Variants in RGL1 observed in about 807,000 individuals in gnomAD.
RGL1 encodes the protein ral guanine nucleotide dissociation stimulator-like 1.
A neutral mutation model predicts 95.2 loss-of-function variants in RGL1; 24 were observed. The ratio of observed to expected loss-of-function variants is 0.25; its 90% confidence interval spans 0.18 to 0.35. The LOEUF (loss-of-function observed/expected upper bound fraction) is 0.35. RGL1 is among the 10% of genes least tolerant of loss of function. The probability of loss-of-function intolerance (pLI) is 1.00; values close to 1 mark genes in which losing one functional copy is unlikely to be tolerated. For missense variants in RGL1, 715 were observed against 936.3 expected, an observed-to-expected ratio of 0.76 and a Z score of 3.08; for synonymous variants, 329 against 344.9, an observed-to-expected ratio of 0.95 and a Z score of 0.51.
At chr1:183,711,469 G>C (rs1211120947) in intron 1 of RGL1, among the ~76,000 whole-genome samples, 3 of 152,152 alleles carry the variant, frequency 2.0e-5, no homozygotes, top group South Asian at 4.1e-4. Flanking sequence ...GGAGGTGTTG[G>C]GGGGTGAGGT....
At chr1:183,862,548 A>G (rs1372280710) in intron 3 of RGL1, among the ~76,000 whole-genome samples, 2 of 152,220 alleles carry the variant, frequency 1.3e-5, no homozygotes, top group African/African-American at 2.4e-5. Flanking sequence ...CAACTTTAAC[A>G]TCTTAAAACT....
chr1:183,878,826 A>G (rs1446128220), intron 4 of RGL1, among the ~76,000 whole-genome samples: 1 of 152,200 alleles, frequency 6.6e-6, no homozygotes, highest in African/African-American at 2.4e-5. Flanking sequence ...TGACTTGAGT[A>G]TATGATATGA....
At chr1:183,788,421 T>C (rs768779411) in intron 2 of RGL1, among the ~76,000 whole-genome samples, 17 of 152,316 alleles carry the variant, frequency 1.1e-4, no homozygotes, top group East Asian at 1.9e-4. Flanking sequence ...TCCACTTCCA[T>C]TGGGGAGAGC....
chr1:183,731,527 C>T (rs1656629246), intron 1 of RGL1, among the ~76,000 whole-genome samples: 1 of 152,162 alleles, frequency 6.6e-6, no homozygotes, highest in South Asian at 2.1e-4. Context: ...CTTGGCCTTT[C>T]CCCTGCTACC....
At chr1:183,655,182 A>T (rs1288643916) in intron 1 of RGL1, among the ~76,000 whole-genome samples, 1 of 152,250 alleles carries the variant, frequency 6.6e-6, no homozygotes, top group East Asian at 1.9e-4. Flanking sequence ...TCCTGCAATG[A>T]TCTAAATTTT....
At chr1:183,794,110 T>TA (rs1030382628) in intron 2 of RGL1, among the ~76,000 whole-genome samples, 5 of 149,554 alleles carry the variant, frequency 3.3e-5, no homozygotes, top group Admixed American at 1.3e-4. Context: ...TATTCAGCCA[T>TA]AAAAAAATGA....
intron 2 of RGL1, among the ~76,000 whole-genome samples, chr1:183,752,811 T>G (rs925769192): frequency 1.3e-5 from 2 of 151,964 alleles, no homozygotes; most frequent in African/African-American, 4.8e-5. Context: ...CATTGGAAAT[T>G]TTCCATTGTC....
intron 2 of RGL1, among the ~76,000 whole-genome samples, chr1:183,816,086 A>G (rs1444863154): frequency 1.3e-5 from 2 of 152,134 alleles, no homozygotes; most frequent in Non-Finnish European, 2.9e-5. Flanking sequence ...AATAACATCT[A>G]TTGTATTTTA....
At chr1:183,711,368 C>A (rs1655254300) in intron 1 of RGL1, among the ~76,000 whole-genome samples, 1 of 152,158 alleles carries the variant, frequency 6.6e-6, no homozygotes, top group Non-Finnish European at 1.5e-5. Context: ...ACATTCAGCC[C>A]ATGGAGCCTG....
chr1:183,878,144 T>TTTTC (rs56816532), intron 4 of RGL1, among the ~76,000 whole-genome samples: 3 of 148,856 alleles, frequency 2.0e-5, no homozygotes, highest in Non-Finnish European at 3.0e-5. Context: ...CCCATGTTGA[T>TTTTC]TTTCTTTCTA....
intron 1 of RGL1, among the ~76,000 whole-genome samples, chr1:183,667,814 ACTT>A (rs1398464765): frequency 1.3e-5 from 2 of 152,068 alleles, no homozygotes. Flanking sequence ...CATCAGTTCT[ACTT>A]CTTTTTAAAC....
chr1:183,870,547 C>T (rs116698320), intron 4 of RGL1, among the ~76,000 whole-genome samples: 1,597 of 152,186 alleles, frequency 0.01, 27 homozygotes, highest in African/African-American at 0.036. Context: ...CTTGCTGACG[C>T]GTGCTGCTGG....
At chr1:183,652,824 G>A (rs1650863462) in intron 1 of RGL1, among the ~76,000 whole-genome samples, 1 of 152,070 alleles carries the variant, frequency 6.6e-6, no homozygotes, top group Non-Finnish European at 1.5e-5. Flanking sequence ...AGCCCAGCGT[G>A]CTGGAGGGCT....
upstream of RGL1, among the ~76,000 whole-genome samples, chr1:183,802,144 G>T (rs1159059229): frequency 1.3e-5 from 2 of 152,150 alleles, no homozygotes; most frequent in Non-Finnish European, 2.9e-5. Flanking sequence ...TTTTACATGT[G>T]ATCTAGTTTT....
At chr1:183,904,360 T>C (rs911230865) in intron 12 of RGL1, among the ~76,000 whole-genome samples, 1 of 152,178 alleles carries the variant, frequency 6.6e-6, no homozygotes, top group Non-Finnish European at 1.5e-5. Flanking sequence ...CCAAAACTTA[T>C]TTATTGAGGG....
intron 2 of RGL1, among the ~76,000 whole-genome samples, chr1:183,792,662 CTAA>C (rs953817805): frequency 1.3e-5 from 2 of 152,008 alleles, no homozygotes; most frequent in Admixed American, 6.5e-5. Context: ...TCTCTATATG[CTAA>C]TAATAAACTA....
At chr1:183,742,072 CT>C (rs1377773130) in intron 1 of RGL1, 2 of 1,484,124 alleles carry the variant, frequency 1.3e-6, no homozygotes. Context: ...TTCGATGTCT[CT>C]TTTAATGTTA....
chr1:183,682,927 CT>C (rs1653321337), intron 1 of RGL1, among the ~76,000 whole-genome samples: 2 of 151,632 alleles, frequency 1.3e-5, no homozygotes, highest in African/African-American at 4.8e-5. Flanking sequence ...ATGTAATGCC[CT>C]TCTTTGTCTT....
chr1:183,777,248 G>A (rs549794327), intron 2 of RGL1, among the ~76,000 whole-genome samples: 26 of 152,238 alleles, frequency 1.7e-4, no homozygotes, highest in South Asian at 2.1e-4. Context: ...CTTAATTTTC[G>A]TATACTGCTG....
Sources: allele counts gnomAD v4.1 joint callset (sites outside exome capture counted in the v4.1 genomes callset), GRCh38; gene constraint gnomAD v4.1.1; transcripts MANE v1.5; gene names NCBI Gene and HGNC (gene_info 2026-07-23, HGNC 2026-07-21).